The following LRMDA variants were observed in gnomAD, a reference collection of about 807,000 sequenced individuals.
LRMDA encodes leucine-rich melanocyte differentiation-associated protein.
In LRMDA, 18 loss-of-function variants were observed where a neutral mutation model predicts 29.8. The observed-to-expected ratio is 0.60, with a 90% CI of 0.42 to 0.90. The LOEUF (loss-of-function observed/expected upper bound fraction) is 0.90. Ranked by LOEUF, LRMDA falls within the 40% of genes least tolerant of loss-of-function variation. LRMDA has a pLI of 0.00. For missense variants in LRMDA, 273 were observed against 273.9 expected (o/e 1.00, Z 0.02); for synonymous variants, 125 against 109.4 (o/e 1.14, Z -0.89).
At chr10:76,276,714 G>A (rs1277335319) in intron 5 of LRMDA, among the ~76,000 whole-genome samples, 1 of 152,004 alleles carries the variant, frequency 6.6e-6, no homozygotes, top group Non-Finnish European at 1.5e-5. Flanking sequence ...TGTATCCTGG[G>A]CATTTTGAAC....
chr10:76,014,126 TTA>T (rs374052789), intron 2 of LRMDA, among the ~76,000 whole-genome samples: 1,129 of 67,202 alleles, frequency 0.017, 16 homozygotes, highest in African/African-American at 0.039. Flanking sequence ...ATATATATAA[TTA>T]TATATATATA....
Position 75,844,543 on chromosome 10 carries a change from C to T in LRMDA, c.132-191465C>T, listed in dbSNP as rs141387218. On this transcript the variant is annotated intron_variant, in intron 2 of 6. Transcript: ENST00000611255. ...CGGGCTCACTCCATCTTGGCTCCCC[C>T]GTGATGACTCCAATTTTCTCGAAAC... Among the ~76,000 whole-genome samples, 932 of 152,278 alleles carry T rather than the reference C, an allele frequency of 6.1e-3. 12 individuals are homozygous for T. Among genetic ancestry groups the T allele is most frequent in the African/African-American group, 0.022 (897 of 41,540 alleles).
At chr10:76,298,517 G>A (rs1307825692) in intron 5 of LRMDA, among the ~76,000 whole-genome samples, 1 of 152,176 alleles carries the variant, frequency 6.6e-6, no homozygotes, top group Non-Finnish European at 1.5e-5. Context: ...GAGAGGAAAT[G>A]AACTCTGACT....
intron 5 of LRMDA, among the ~76,000 whole-genome samples, chr10:76,290,772 C>G (rs1012693604): frequency 6.6e-6 from 1 of 152,148 alleles, no homozygotes; most frequent in African/African-American, 2.4e-5. Context: ...CTAGAGAAAC[C>G]TGTCTTACTT....
chr10:75,779,654 C>G lies in LRMDA; in HGVS notation c.132-256354C>G, dbSNP rs941564944. 2.0e-5 allele frequency among the ~76,000 whole-genome samples: 3 copies of G among 152,124 alleles called. No individual in the cohort carries two copies. In the East Asian group the frequency reaches 5.8e-4, roughly 29 times the overall value. ...TCAGTGGCTTAACACCACAAGGCTT[C>G]GTTTCTTGCTCACCTTATAGGCCCA... On this transcript the variant is annotated intron_variant, in intron 2 of 6. Coordinates refer to ENST00000611255, the MANE Select transcript of LRMDA (RefSeq NM_001305581.2).
chr10:75,992,440 C>T (rs565181599), intron 2 of LRMDA, among the ~76,000 whole-genome samples: 47 of 152,250 alleles, frequency 3.1e-4, no homozygotes, highest in African/African-American at 9.4e-4. Flanking sequence ...TGTGTGCTGC[C>T]GTGACTCCAG....
intron 5 of LRMDA, among the ~76,000 whole-genome samples, chr10:76,205,335 A>G (rs991878789): frequency 6.6e-6 from 1 of 152,182 alleles, no homozygotes; most frequent in African/African-American, 2.4e-5. Flanking sequence ...GGTGGATTCA[A>G]TTCTTAAAAC....
chr10:75,609,187 A>G (rs369557220), intron 2 of LRMDA, among the ~76,000 whole-genome samples: 1 of 152,160 alleles, frequency 6.6e-6, no homozygotes. Context: ...AGCCCAAAGT[A>G]TTAGAAACAG....
chr10:75,877,037 G>A (rs1020231216), intron 2 of LRMDA, among the ~76,000 whole-genome samples: 2 of 152,102 alleles, frequency 1.3e-5, no homozygotes, highest in African/African-American at 4.8e-5. Context: ...GGAGGGGCAG[G>A]GATTGTTGTC....
intron 5 of LRMDA, among the ~76,000 whole-genome samples, chr10:76,324,176 T>C (rs1351292368): frequency 2.0e-5 from 3 of 152,216 alleles, no homozygotes; most frequent in Non-Finnish European, 4.4e-5. Flanking sequence ...TGCCCCCTTT[T>C]CTTAGAGCTA....
At chr10:75,821,752 G>A (rs1377640961) in intron 2 of LRMDA, among the ~76,000 whole-genome samples, 3 of 150,328 alleles carry the variant, frequency 2.0e-5, no homozygotes, top group African/African-American at 7.3e-5. Context: ...CTGGGCGACA[G>A]AGAGAGACTC....
chr10:76,415,860 T>G (rs1423668272), intron 6 of LRMDA, among the ~76,000 whole-genome samples: 2 of 152,208 alleles, frequency 1.3e-5, no homozygotes, highest in African/African-American at 4.8e-5. Flanking sequence ...CTCCATGTCT[T>G]GTTCTCCTCG....
intron 2 of LRMDA, among the ~76,000 whole-genome samples, chr10:75,845,106 A>AT (rs559477139): frequency 1.3e-3 from 189 of 150,794 alleles, no homozygotes; most frequent in Admixed American, 2.0e-3. Context: ...TGTAAATATG[A>AT]TTTTTTTTTG....
chr10:75,537,437 C>T (rs1839962992), intron 2 of LRMDA, among the ~76,000 whole-genome samples: 3 of 152,156 alleles, frequency 2.0e-5, no homozygotes, highest in African/African-American at 7.2e-5. Context: ...ATTTTCTCTC[C>T]CACAGCATTG....
Position 75,743,067 on chromosome 10 carries a change from T to TG in LRMDA, c.132-292937dup, listed in dbSNP as rs1327830135. ...AGCATCATGAACAGAAGCATAAAGA[T>TG]GGGGAAGATTATGGTCTGTGTGGAG... On this transcript the variant is annotated intron_variant, in intron 2 of 6. Coordinates refer to ENST00000611255, the MANE Select transcript of LRMDA (RefSeq NM_001305581.2). Among the ~76,000 whole-genome samples, 3 of 151,464 alleles carry TG rather than the reference T, an allele frequency of 2.0e-5. No homozygotes were observed. The East Asian group carries it at 5.8e-4, about 29-fold the overall frequency.
chr10:76,381,928 C>A (rs1163723604), intron 6 of LRMDA, among the ~76,000 whole-genome samples: 1 of 152,058 alleles, frequency 6.6e-6, no homozygotes, highest in Non-Finnish European at 1.5e-5. Context: ...CAAAAAAGAC[C>A]ATCAATTGGT....
At chr10:76,287,435 G>A (rs999978027) in intron 5 of LRMDA, among the ~76,000 whole-genome samples, 2 of 152,036 alleles carry the variant, frequency 1.3e-5, no homozygotes, top group African/African-American at 2.4e-5. Flanking sequence ...ATAACACAGT[G>A]TCTTATACTA....
At chr10:76,234,030 TC>T (rs1852106372) in intron 5 of LRMDA, among the ~76,000 whole-genome samples, 1 of 152,222 alleles carries the variant, frequency 6.6e-6, no homozygotes, top group African/African-American at 2.4e-5. Context: ...ATTTTCAATT[TC>T]TATTGCCCAG....
intron 2 of LRMDA, among the ~76,000 whole-genome samples, chr10:75,483,826 A>G (rs1413222559): frequency 1.0e-5 from 1 of 99,876 alleles, no homozygotes; most frequent in Admixed American, 1.1e-4. Flanking sequence ...TATGCTTCTC[A>G]TTTTTTTTCC....
Sources: gnomAD v4.1 joint callset for allele counts (sites outside exome capture counted in the v4.1 genomes callset) on GRCh38, gnomAD v4.1.1 for gene constraint, MANE v1.5 for transcripts, NCBI Gene and HGNC (gene_info 2026-07-23, HGNC 2026-07-21) for gene names.